SIDT1: variants seen among roughly 807,000 people sequenced by gnomAD.
SIDT1 encodes the protein SID1 transmembrane family member 1, also known as SID1 transmembrane family, member 1.
Under a neutral mutation model 107.5 loss-of-function variants are expected in SIDT1, and 101 were observed. The ratio of observed to expected loss-of-function variants is 0.94; its 90% CI spans 0.80 to 1.11. The LOEUF (loss-of-function observed/expected upper bound fraction) is 1.11. SIDT1 is among the 50% of genes least tolerant of loss of function. SIDT1 has a pLI of 0.00. For missense variants in SIDT1, 1,076 were observed against 1,058.2 expected (o/e 1.02, Z -0.23); for synonymous variants, 395 against 398.2 (o/e 0.99, Z 0.10).
intron 1 of SIDT1, among the ~76,000 whole-genome samples, chr3:113,543,020 C>A (rs1489757317): frequency 6.6e-6 from 1 of 151,838 alleles, no homozygotes; most frequent in African/African-American, 2.4e-5. Context: ...TGGCTCACTG[C>A]AACTCGACCT....
intron 1 of SIDT1, among the ~76,000 whole-genome samples, chr3:113,557,554 C>G (rs572699022): frequency 6.6e-6 from 1 of 152,166 alleles, no homozygotes; most frequent in African/African-American, 2.4e-5. Context: ...ACAACAGAGG[C>G]AGAGAAGGGA....
At chr3:113,558,125 A>G (rs1453926785) in intron 1 of SIDT1, among the ~76,000 whole-genome samples, 13 of 152,214 alleles carry the variant, frequency 8.5e-5, no homozygotes, top group Admixed American at 8.5e-4. Flanking sequence ...GAGAGCAATG[A>G]GAATATGTTT....
intron 9 of SIDT1, among the ~76,000 whole-genome samples, chr3:113,585,986 T>C (rs1943715761): frequency 6.6e-6 from 1 of 152,210 alleles, no homozygotes; most frequent in Non-Finnish European, 1.5e-5. Flanking sequence ...AATAAACAAA[T>C]GTTCTTTCTC....
intron 11 of SIDT1, 173 bp downstream of exon 11, chr3:113,601,832 T>C: frequency 1.8e-6 from 1 of 544,590 alleles, no homozygotes; most frequent in Non-Finnish European, 3.2e-6. Context: ...CTCCCAGCTC[T>C]AACTTTCTCC....
At chr3:113,571,807 C>T (rs898149982) in intron 3 of SIDT1, among the ~76,000 whole-genome samples, 18 of 152,298 alleles carry the variant, frequency 1.2e-4, no homozygotes, top group African/African-American at 4.1e-4. Flanking sequence ...TGGTGGTGCA[C>T]ACCTGTAATC....
chr3:113,587,338 C>A (rs2107560716), intron 9 of SIDT1, among the ~76,000 whole-genome samples: 1 of 152,262 alleles, frequency 6.6e-6, no homozygotes, highest in South Asian at 2.1e-4. Context: ...ATTCTTGCAA[C>A]TTCTCTGTAA....
rs757160911 is a variant in SIDT1 at position 113,585,216 on chromosome 3, T to C, written c.947T>C (p.Ile316Thr). The part of the protein sequence containing the change: ...YVKSSLFSVF[I>T]FLSFYLGCLL... ...AAATCCAGTCTTTTCAGTGTCTTCA[T>C]CTTCCTGTCCTTCTACTTGGGATGC... is the stretch of plus-strand genomic sequence containing the variant. Residue 316 changes from isoleucine (I) to threonine (T), a missense_variant, in exon 9 of 25, where the codon ATC becomes ACC. Coordinates refer to ENST00000264852, the MANE Select transcript of SIDT1 (RefSeq NM_017699.3). The C allele has an allele frequency of 1.2e-6, 2 of 1,613,716 alleles. No homozygotes were observed. The highest frequency in any genetic ancestry group is 1.7e-5 in the Admixed American group (1 of 59,992).
intron 23 of SIDT1, among the ~76,000 whole-genome samples, chr3:113,625,701 G>A (rs577608976): frequency 6.6e-6 from 1 of 152,228 alleles, no homozygotes; most frequent in South Asian, 2.1e-4. Context: ...GTCTTCTTTT[G>A]AGAAATGTCT....
chr3:113,533,083 C>T lies in SIDT1; in HGVS notation c.62C>T (p.Ser21Leu). ...CALPWLLLAA[S>L]PGHPAKSPRQ... ...CTGCCCTGGCTCCTGCTGGCGGCGT[C>T]GCCCGGGCACCCGGCGAAATCCCCC... The change falls in exon 1 of 25, where the codon TCG (serine) becomes TTG (leucine). Residue 21 changes from serine (S) to leucine (L), a missense_variant. Transcript: ENST00000264852. 6.6e-7 allele frequency: 1 copy of T among 1,507,852 alleles called. No homozygotes were observed. Among genetic ancestry groups the T allele is most frequent in the Non-Finnish European group, 8.9e-7 (1 of 1,128,338 alleles). The allele number at this position is 1,507,852 out of a possible 1,614,324, so 93.4% of individuals were successfully genotyped here.
At chr3:113,626,261 C>CTTTTTCTACTCTCT in intron 24 of SIDT1, 46 bp downstream of exon 24, 1 of 1,258,462 alleles carries the variant, frequency 7.9e-7, no homozygotes, top group Admixed American at 1.8e-5. Context: ...CTCTTTACAT[C>CTTTTTCTACTCTCT]TTGTACTCTC....
At chr3:113,560,299 G>C (rs374013265) in intron 1 of SIDT1, among the ~76,000 whole-genome samples, 2 of 152,198 alleles carry the variant, frequency 1.3e-5, no homozygotes, top group African/African-American at 4.8e-5. Flanking sequence ...GTTGTCCTCT[G>C]TGTACCCACA....
chr3:113,535,054 T>C (rs548358409), intron 1 of SIDT1, among the ~76,000 whole-genome samples: 1 of 152,160 alleles, frequency 6.6e-6, no homozygotes, highest in Non-Finnish European at 1.5e-5. Context: ...GGAGGATTGC[T>C]TGAGACCAGG....
chr3:113,536,304 C>T (rs1366049316), intron 1 of SIDT1, among the ~76,000 whole-genome samples: 2 of 152,172 alleles, frequency 1.3e-5, no homozygotes, highest in Admixed American at 6.5e-5. Context: ...GACCCCAGAC[C>T]TACGATCTTT....
At chr3:113,592,310 T>C (rs536424437) in intron 9 of SIDT1, among the ~76,000 whole-genome samples, 8 of 152,324 alleles carry the variant, frequency 5.3e-5, no homozygotes, top group Admixed American at 5.2e-4. Flanking sequence ...ACAATTATTT[T>C]CGCACCAATC....
At chr3:113,556,683 A>G (rs763375523) in intron 1 of SIDT1, among the ~76,000 whole-genome samples, 7 of 152,224 alleles carry the variant, frequency 4.6e-5, no homozygotes, top group Non-Finnish European at 8.8e-5. Flanking sequence ...GGGTGAAAAT[A>G]GAAATGAAGA....
At chr3:113,570,143 G>A (rs886428815) in intron 3 of SIDT1, among the ~76,000 whole-genome samples, 4 of 152,304 alleles carry the variant, frequency 2.6e-5, no homozygotes, top group East Asian at 3.9e-4. Flanking sequence ...GGGCTCAAGC[G>A]ATCCACCCGC....
chr3:113,621,412 C>G (rs1302672809), intron 21 of SIDT1, among the ~76,000 whole-genome samples: 1 of 150,432 alleles, frequency 6.6e-6, no homozygotes, highest in African/African-American at 2.5e-5. Context: ...TGAGACCAGT[C>G]TGGGCAACAT....
intron 3 of SIDT1, among the ~76,000 whole-genome samples, chr3:113,574,904 C>G (rs1308989558): frequency 6.6e-6 from 1 of 152,080 alleles, no homozygotes; most frequent in African/African-American, 2.4e-5. Context: ...TAGCTTTGTT[C>G]TGTTGTCAAT....
intron 1 of SIDT1, among the ~76,000 whole-genome samples, chr3:113,561,457 A>G (rs931322227): frequency 1.3e-5 from 2 of 152,236 alleles, no homozygotes; most frequent in African/African-American, 4.8e-5. Context: ...GGAGATGAAC[A>G]GTGAAGTGGG....
Sources: gnomAD v4.1 joint callset for allele counts (sites outside exome capture counted in the v4.1 genomes callset) on GRCh38, gnomAD v4.1.1 for gene constraint, MANE v1.5 for transcripts, NCBI Gene and HGNC (gene_info 2026-07-23, HGNC 2026-07-21) for gene names.